Variants in SHANK2 observed in about 807,000 individuals in gnomAD.
SHANK2 encodes the protein SH3 and multiple ankyrin repeat domains 2, also known as SH3 and multiple ankyrin repeat domains protein 2.
Under a neutral mutation model 133.7 loss-of-function variants are expected in SHANK2, and 43 were observed. The ratio of observed to expected loss-of-function variants is 0.32; its 90% CI spans 0.25 to 0.41. The LOEUF (loss-of-function observed/expected upper bound fraction) is 0.41. Ranked by LOEUF, SHANK2 falls within the 10% of genes least tolerant of loss-of-function variation. The probability of loss-of-function intolerance (pLI) is 1.00; values close to 1 mark genes in which losing one functional copy is unlikely to be tolerated. For synonymous variants in SHANK2, 1,017 were observed against 952.8 expected (o/e 1.07, Z -1.24); for missense variants, 1,994 against 2,235.8 (o/e 0.89, Z 2.18).
At chr11:71,066,354 G>C (rs1469937291) in intron 9 of SHANK2, among the ~76,000 whole-genome samples, 3 of 124,746 alleles carry the variant, frequency 2.4e-5, no homozygotes, top group East Asian at 2.4e-4. Flanking sequence ...GGGGAAGTTG[G>C]GGGGGTGCAG....
At chr11:71,203,031 T>C (rs782107425) in intron 2 of SHANK2, among the ~76,000 whole-genome samples, 2 of 152,178 alleles carry the variant, frequency 1.3e-5, no homozygotes, top group Non-Finnish European at 2.9e-5. Flanking sequence ...ACACTGTGTG[T>C]CCGCAGGACT....
chr11:70,858,800 C>G (rs11237722), intron 11 of SHANK2, among the ~76,000 whole-genome samples: 1 of 152,160 alleles, frequency 6.6e-6, no homozygotes, highest in Admixed American at 6.5e-5. Flanking sequence ...CCACTCACAC[C>G]TCCATCTGGT....
chr11:70,927,262 C>G (rs1292677831), intron 10 of SHANK2, among the ~76,000 whole-genome samples: 1 of 152,192 alleles, frequency 6.6e-6, no homozygotes, highest in Non-Finnish European at 1.5e-5. Flanking sequence ...TGAACGCTGA[C>G]TCTGAATTCC....
At chr11:70,721,719 C>G (rs921508011) in intron 14 of SHANK2, among the ~76,000 whole-genome samples, 20 of 152,240 alleles carry the variant, frequency 1.3e-4, no homozygotes, top group South Asian at 2.1e-4. Context: ...CAGCCAGTTA[C>G]CCTGCATGCA....
intron 2 of SHANK2, among the ~76,000 whole-genome samples, chr11:71,155,582 A>G (rs55664123): frequency 0.31 from 47,385 of 151,776 alleles, 8,830 homozygotes; most frequent in African/African-American, 0.51. Flanking sequence ...GGGAGGTCTG[A>G]GGATCCCACC....
intron 6 of SHANK2, among the ~76,000 whole-genome samples, chr11:71,103,721 C>A (rs531867082): frequency 2.6e-4 from 40 of 152,164 alleles, no homozygotes; most frequent in Admixed American, 7.2e-4. Flanking sequence ...ATCATGGGGG[C>A]AGATTTGTCA....
intron 9 of SHANK2, among the ~76,000 whole-genome samples, chr11:71,064,595 G>C (rs1951025029): frequency 6.6e-6 from 1 of 152,078 alleles, no homozygotes; most frequent in South Asian, 2.1e-4. Context: ...AAGGAAAGAG[G>C]CTGGATGGTG....
chr11:70,849,271 C>A (rs1409842367), intron 11 of SHANK2, among the ~76,000 whole-genome samples: 3 of 152,174 alleles, frequency 2.0e-5, no homozygotes, highest in African/African-American at 7.2e-5. Flanking sequence ...CACAGTGAGA[C>A]CCCATCTCAA....
At chr11:70,653,567 C>CAAAAAAAAAAAAAA (rs1157982312) in intron 17 of SHANK2, among the ~76,000 whole-genome samples, 1 of 61,774 alleles carries the variant, frequency 1.6e-5, no homozygotes, top group Non-Finnish European at 3.5e-5. Context: ...CTCAGCCTTC[C>CAAAAAAAAAAAAAA]AAAAAAAAAA....
At chr11:70,566,053 A>G (rs570041828) in intron 17 of SHANK2, among the ~76,000 whole-genome samples, 24 of 152,342 alleles carry the variant, frequency 1.6e-4, no homozygotes, top group African/African-American at 5.8e-4. Context: ...CATGTTCTAC[A>G]TGGCAGCAGG....
chr11:71,070,786 G>A lies in SHANK2; in HGVS notation c.1029+4373C>T, dbSNP rs948839121. 5.4e-4 allele frequency among the ~76,000 whole-genome samples: 83 copies of A among 152,346 alleles called. 1 individual carries two copies. The highest frequency in any genetic ancestry group is 1.9e-3 in the African/African-American group (80 of 41,590). The stretch of plus-strand genomic sequence containing the variant: ...TGAATCGTTATGACGGAGTCCATGC[G>A]ACACGCAAAGCCTAAAATGTTACCC... On this transcript the variant is annotated intron_variant, in intron 9 of 25. Transcript: ENST00000601538.
At chr11:70,950,500 C>T (rs1467286247) in intron 10 of SHANK2, among the ~76,000 whole-genome samples, 1 of 152,210 alleles carries the variant, frequency 6.6e-6, no homozygotes, top group South Asian at 2.1e-4. Flanking sequence ...CCACCTCCAG[C>T]CTTTTGTACA....
In SHANK2 at chr11:70,485,246, G is replaced by T; in HGVS notation, c.4979+68C>A. The T allele has an allele frequency of 1.5e-6, 2 of 1,374,530 alleles. No individual in the cohort carries two copies. Among genetic ancestry groups the T allele is most frequent in the Non-Finnish European group, 1.0e-6 (1 of 968,732 alleles). 85.1% of individuals were successfully genotyped at this position (1,374,530 alleles called of 1,614,324 possible). On this transcript the variant is annotated intron_variant, in intron 25 of 25. Coordinates refer to ENST00000601538, the MANE Select transcript of SHANK2 (RefSeq NM_012309.5). The surrounding 1 kb of genome is among the most constrained non-coding windows in gnomAD (Gnocchi z 5.8). ...CGTGTCCGCTGGGGCTGCTACCCGA[G>T]GGCCTTTCCTGGTCAGCAGGGACAG...
intron 10 of SHANK2, among the ~76,000 whole-genome samples, chr11:70,927,095 C>T (rs1950439520): frequency 1.3e-5 from 2 of 152,018 alleles, no homozygotes; most frequent in Non-Finnish European, 2.9e-5. Flanking sequence ...ATGTGCTTGC[C>T]AAGGCATCTC....
At chr11:70,894,460 T>C (rs1949902260) in intron 11 of SHANK2, among the ~76,000 whole-genome samples, 1 of 152,190 alleles carries the variant, frequency 6.6e-6, no homozygotes, top group South Asian at 2.1e-4. Context: ...GTGCTAGGAT[T>C]ACAGGCGTGA....
At chr11:70,884,576 C>T (rs559565388) in intron 11 of SHANK2, among the ~76,000 whole-genome samples, 13 of 152,296 alleles carry the variant, frequency 8.5e-5, no homozygotes, top group South Asian at 6.2e-4. Flanking sequence ...TCATGGTGAC[C>T]GGATTGGAAG....
At chr11:70,805,357 G>C (rs529197228) in intron 13 of SHANK2, among the ~76,000 whole-genome samples, 1 of 152,220 alleles carries the variant, frequency 6.6e-6, no homozygotes, top group South Asian at 2.1e-4. Context: ...TTGGGCCTAG[G>C]GGGTGGCCCT....
chr11:71,146,429 T>C (rs1555106696), intron 3 of SHANK2, among the ~76,000 whole-genome samples: 1 of 151,962 alleles, frequency 6.6e-6, no homozygotes, highest in African/African-American at 2.4e-5. Flanking sequence ...CACACGAAGC[T>C]CCCCTTTACA....
chr11:71,148,407 A>G (rs1952698398), intron 2 of SHANK2, among the ~76,000 whole-genome samples: 1 of 152,196 alleles, frequency 6.6e-6, no homozygotes, highest in Non-Finnish European at 1.5e-5. Flanking sequence ...TAAGAAGGAC[A>G]CAGAACTCTG....
Sources: allele counts gnomAD v4.1 joint callset (sites outside exome capture counted in the v4.1 genomes callset), GRCh38; gene constraint gnomAD v4.1.1; non-coding constraint Gnocchi (gnomAD v3.1); transcripts MANE v1.5; gene names NCBI Gene and HGNC (gene_info 2026-07-23, HGNC 2026-07-21).